Variants in SH3D19 observed in about 807,000 individuals in gnomAD.
SH3D19 encodes the protein SH3 domain-containing protein 19.
In SH3D19, 58 loss-of-function variants were observed where a neutral mutation model predicts 112.1. The ratio of observed to expected loss-of-function variants is 0.52; its 90% CI spans 0.42 to 0.64. The LOEUF is 0.64. SH3D19 is among the 30% of genes least tolerant of loss of function. SH3D19 has a pLI of 0.00. For synonymous variants in SH3D19, 391 were observed against 448.5 expected, an observed-to-expected ratio of 0.87 and a Z score of 1.62; for missense variants, 1,090 against 1,263.4, an observed-to-expected ratio of 0.86 and a Z score of 2.08.
At chr4:151,217,556 A>G (rs1767326499) in intron 2 of SH3D19, among the ~76,000 whole-genome samples, 1 of 152,180 alleles carries the variant, frequency 6.6e-6, no homozygotes, top group Non-Finnish European at 1.5e-5. Context: ...AGAACTTGGA[A>G]CAGTACCAAA....
chr4:151,322,012 T>C (rs1040334512), intron 1 of SH3D19, among the ~76,000 whole-genome samples: 3 of 152,184 alleles, frequency 2.0e-5, no homozygotes, highest in African/African-American at 7.2e-5. Context: ...GATACCACCA[T>C]CAACAGTAAA....
chr4:151,191,577 A>ACCTCCTGTAAGT (rs1762633623), intron 2 of SH3D19, among the ~76,000 whole-genome samples: 1 of 152,148 alleles, frequency 6.6e-6, no homozygotes, highest in Non-Finnish European at 1.5e-5. Flanking sequence ...TCCCCTGTAC[A>ACCTCCTGTAAGT]AGGCATGTAA....
At chr4:151,176,978 A>C (rs1760046229) in intron 4 of SH3D19, 23 bp from the exon 5 acceptor site, 7 of 1,232,074 alleles carry the variant, frequency 5.7e-6, no homozygotes, top group Non-Finnish European at 7.1e-6. Flanking sequence ...AGCCTCAGTG[A>C]GGTTTTGCAG....
At chr4:151,283,134 G>T in intron 1 of SH3D19, 1 of 1,613,712 alleles carries the variant, frequency 6.2e-7, no homozygotes, top group South Asian at 1.1e-5. Flanking sequence ...TTACCATTCT[G>T]CCCTTCAGGA....
chr4:151,310,271 G>A (rs1729321128), intron 1 of SH3D19, among the ~76,000 whole-genome samples: 1 of 151,820 alleles, frequency 6.6e-6, no homozygotes, highest in Non-Finnish European at 1.5e-5. Context: ...CTACTCGGGA[G>A]GCTGAAGCAA....
chr4:151,280,533 T>C (rs1316414201), intron 1 of SH3D19, among the ~76,000 whole-genome samples: 1 of 152,222 alleles, frequency 6.6e-6, no homozygotes, highest in Non-Finnish European at 1.5e-5. Flanking sequence ...TATTTGTTGT[T>C]TTAAGCCACT....
chr4:151,198,166 G>A (rs1036040601), intron 2 of SH3D19, among the ~76,000 whole-genome samples: 2 of 151,230 alleles, frequency 1.3e-5, no homozygotes, highest in Non-Finnish European at 2.9e-5. Context: ...TAAGCCAGGC[G>A]TGGTGGCACA....
chr4:151,176,457 A>T, intron 6 of SH3D19, 77 bp downstream of exon 6: 1 of 1,164,848 alleles, frequency 8.6e-7, no homozygotes, highest in Non-Finnish European at 1.1e-6. Flanking sequence ...ATTGCAAATT[A>T]TTTTAAAGGC....
At chr4:151,169,862 C>G (rs1417782680) in intron 7 of SH3D19, among the ~76,000 whole-genome samples, 1 of 152,026 alleles carries the variant, frequency 6.6e-6, no homozygotes, top group Non-Finnish European at 1.5e-5. Context: ...CAACAAGGAA[C>G]AAAACAAAAC....
chr4:151,174,676 C>A lies in SH3D19; in HGVS notation c.1528G>T (p.Val510Phe), dbSNP rs756279569. 1.3e-6 allele frequency: 2 copies of A among 1,511,394 alleles called. No individual in the cohort carries two copies. Among genetic ancestry groups the A allele is most frequent in the South Asian group, 2.7e-5 (2 of 72,902 alleles). 93.6% of individuals were successfully genotyped at this position (1,511,394 alleles called of 1,614,324 possible). The change falls in exon 7 of 20, where the codon GTT becomes TTT. Residue 510 changes from valine to phenylalanine, a missense_variant. Transcript: ENST00000604030. The part of the protein sequence containing the change: ...LAEESVGSEM[V>F]LDPFQLPAKT... ...CTGCTGATTTTTCACTCACCTAGAA[C>A]CATCTCTGAACCAACAGATTCTTCA...
chr4:151,324,860 G>A lies in SH3D19; in HGVS notation c.112+381C>T, dbSNP rs186736745. ...CAGTTATGAGCACGTGCTCTGACCT[G>A]GCTGCGGCGGCGCAGGCAAACCCCT... On this transcript the variant is annotated intron_variant, in intron 1 of 19. Transcript: ENST00000604030. 4.5e-3 allele frequency among the ~76,000 whole-genome samples: 684 copies of A among 152,158 alleles called. 2 individuals are homozygous for A. Among genetic ancestry groups the A allele is most frequent in the African/African-American group, 0.014 (600 of 41,516 alleles).
intron 1 of SH3D19, among the ~76,000 whole-genome samples, chr4:151,310,294 A>G (rs1170728441): frequency 6.6e-6 from 1 of 151,828 alleles, no homozygotes; most frequent in Non-Finnish European, 1.5e-5. Flanking sequence ...GGATTGCTTG[A>G]GCCTAGTGGT....
chr4:151,254,244 G>A (rs528505422), intron 1 of SH3D19, among the ~76,000 whole-genome samples: 1 of 152,120 alleles, frequency 6.6e-6, no homozygotes, highest in South Asian at 2.1e-4. Flanking sequence ...ATGCTTAGAA[G>A]ATTTAGTCAC....
At chr4:151,315,067 C>G (rs2407170) in intron 1 of SH3D19, among the ~76,000 whole-genome samples, 81,545 of 151,888 alleles carry the variant, frequency 0.54, 22,293 homozygotes, top group African/African-American at 0.63. Context: ...GGATTCCATT[C>G]ACCAAAAAAG....
At position 151,128,356 on chromosome 4, in the gene SH3D19, C is replaced by A; in HGVS notation, c.2743G>T (p.Val915Phe). ...KKEDSGSNSQVNSLPAEWCEA... is the reference protein window; with the variant it reads ...KKEDSGSNSQFNSLPAEWCEA... ...CACCATTCTGCCGGAAGACTGTTAA[C>A]CTGTTATCAAATTAGAGGTGTGGTC... The change falls in exon 18 of 20, where the codon GTT becomes TTT. Residue 915 changes from valine (V) to phenylalanine (F), a missense_variant and splice_region_variant. By Grantham distance (50) the Val-to-Phe change is conservative. Coordinates refer to ENST00000604030, the MANE Select transcript of SH3D19 (RefSeq NM_001378122.1). 1 of 1,611,854 alleles carries A rather than the reference C, an allele frequency of 6.2e-7. No homozygotes were observed. Among genetic ancestry groups the A allele is most frequent in the Non-Finnish European group, 8.5e-7 (1 of 1,178,908 alleles).
chr4:151,178,022 C>T (rs995703069), intron 4 of SH3D19, among the ~76,000 whole-genome samples: 2 of 152,170 alleles, frequency 1.3e-5, no homozygotes, highest in Non-Finnish European at 2.9e-5. Flanking sequence ...TCGAGCTCCC[C>T]GCCCCTCAGC....
rs543062388 is a variant in SH3D19, at chr4:151,132,901, C to T, written c.2689+133G>A. ...AATAATGTCTATCCCACACAAATTC[C>T]CATTTTAAAATCAGTTTTCCTTCTA... On this transcript the variant is annotated intron_variant, in intron 16 of 19. Transcript: ENST00000604030. The T allele has an allele frequency of 3.2e-5, 26 of 813,562 alleles. No homozygotes were observed. The African/African-American group carries it at 4.3e-4, about 14-fold the overall frequency. 50.4% of individuals were successfully genotyped at this position (813,562 alleles called of 1,614,324 possible).
intron 1 of SH3D19, among the ~76,000 whole-genome samples, chr4:151,272,378 C>T (rs1235170778): frequency 6.6e-6 from 1 of 152,094 alleles, no homozygotes; most frequent in Non-Finnish European, 1.5e-5. Context: ...GGCTGAAAAC[C>T]AGAGGAACTT....
At chr4:151,303,048 T>C (rs187301901) in intron 1 of SH3D19, among the ~76,000 whole-genome samples, 67 of 152,328 alleles carry the variant, frequency 4.4e-4, no homozygotes, top group African/African-American at 1.6e-3. Context: ...GCATGTCTTC[T>C]GAATCTAGTC....
Sources: gnomAD v4.1 joint callset for allele counts (sites outside exome capture counted in the v4.1 genomes callset) on GRCh38, gnomAD v4.1.1 for gene constraint, MANE v1.5 for transcripts, NCBI Gene and HGNC (gene_info 2026-07-23, HGNC 2026-07-21) for gene names.